Variants in SYT12 observed in about 807,000 individuals in gnomAD.
The protein encoded by SYT12 is synaptotagmin-12.
SYT12 carries 27 observed loss-of-function variants against 39.5 expected under a neutral mutation model. That is an observed-to-expected ratio of 0.68 (90% CI 0.50 to 0.94). The LOEUF (loss-of-function observed/expected upper bound fraction) is 0.94. Ranked by LOEUF, SYT12 falls within the 40% of genes least tolerant of loss-of-function variation. SYT12 has a pLI of 0.00. For synonymous variants in SYT12, 233 were observed against 239.7 expected (o/e 0.97, Z 0.26); for missense variants, 536 against 572.6 (o/e 0.94, Z 0.65).
chr11:67,023,072 G>T (rs1950129945), upstream of SYT12: 1 of 152,316 alleles, frequency 6.6e-6, no homozygotes, highest in Non-Finnish European at 1.5e-5. Flanking sequence ...CTGTCCCCAG[G>T]CGTGGGAGCG....
At chr11:67,024,345 A>G (rs920365547) in intron 1 of SYT12, among the ~76,000 whole-genome samples, 4 of 152,202 alleles carry the variant, frequency 2.6e-5, no homozygotes, top group African/African-American at 9.7e-5. Flanking sequence ...CACCGAAGTT[A>G]CCACAGCCAG....
intron 7 of SYT12, among the ~76,000 whole-genome samples, chr11:67,046,548 G>A (rs1351457547): frequency 3.3e-5 from 5 of 152,206 alleles, no homozygotes; most frequent in African/African-American, 1.2e-4. Context: ...CCAACCCGGG[G>A]ACCCCGCCAG....
intron 4 of SYT12, among the ~76,000 whole-genome samples, chr11:67,042,944 G>T (rs938697360): frequency 6.6e-6 from 1 of 152,178 alleles, no homozygotes; most frequent in Non-Finnish European, 1.5e-5. Flanking sequence ...CCCACCAGGG[G>T]GTGCTGCCCC....
Position 67,043,776 on chromosome 11 carries a change from G to A in SYT12, c.760G>A (p.Val254Met). The change falls in exon 5 of 8, where the codon GTG becomes ATG. Residue 254 changes from valine (V) to methionine (M), a missense_variant. Val to Met is a conservative substitution (Grantham distance 21, BLOSUM62 1). Coordinates refer to ENST00000527043, the MANE Select transcript of SYT12 (RefSeq NM_177963.4). ...EDERNVSTGV[V>M]ELKLSVLDLP... ...TGAGCGCAACGTCAGCACGGGGGTG[G>A]TGGAGCTGAAGCTTTCTGTGCTTGA... 6.2e-7 allele frequency: 1 copy of A among 1,614,136 alleles called. No individual in the cohort carries two copies. Among genetic ancestry groups the A allele is most frequent in the Non-Finnish European group, 8.5e-7 (1 of 1,180,038 alleles).
chr11:67,013,125 G>A (rs560487395), intron 3 of SYT12, among the ~76,000 whole-genome samples: 2 of 152,324 alleles, frequency 1.3e-5, no homozygotes, highest in African/African-American at 4.8e-5. Flanking sequence ...CACGCAGAGT[G>A]GGGAGGAGCA....
At chr11:67,012,277 A>C (rs1005599948) in intron 3 of SYT12, among the ~76,000 whole-genome samples, 1 of 152,052 alleles carries the variant, frequency 6.6e-6, no homozygotes, top group African/African-American at 2.4e-5. Context: ...AGGCTGAGGC[A>C]GGAGAATCGC....
intron 7 of SYT12, among the ~76,000 whole-genome samples, chr11:67,047,884 T>C (rs926994638): frequency 2.1e-5 from 3 of 140,982 alleles, no homozygotes; most frequent in African/African-American, 7.9e-5. Context: ...GCCTCCCAGG[T>C]TCACGCCATT....
At chr11:67,011,653 C>T (rs1950014187) in intron 3 of SYT12, among the ~76,000 whole-genome samples, 1 of 152,214 alleles carries the variant, frequency 6.6e-6, no homozygotes, top group South Asian at 2.1e-4. Context: ...TCCACAGAGG[C>T]TCTTGGTATC....
chr11:67,037,745 G>C (rs963173435), intron 3 of SYT12, among the ~76,000 whole-genome samples: 5 of 151,738 alleles, frequency 3.3e-5, no homozygotes, highest in Non-Finnish European at 7.4e-5. Context: ...AGCTGGGTGT[G>C]ATGGTGCATG....
At chr11:67,038,770 C>G (rs1565339058) in intron 3 of SYT12, among the ~76,000 whole-genome samples, 1 of 150,790 alleles carries the variant, frequency 6.6e-6, no homozygotes, top group East Asian at 2.0e-4. Flanking sequence ...AGGCAGATCA[C>G]AAGGTCAGGA....
chr11:67,028,373 TCTC>T lies in SYT12; in HGVS notation c.-23-1746_-23-1744del, dbSNP rs964993210. The T allele has an allele frequency of 3.7e-4, 56 of 152,008 alleles. 1 individual carries two copies. The highest frequency in any genetic ancestry group is 1.3e-3 in the African/African-American group (55 of 41,382). The allele number at this position is 152,008 out of a possible 1,614,324, so 9.4% of individuals were successfully genotyped here. A position where few individuals can be genotyped will look rare whatever the true frequency, so the allele number is the denominator to read the frequency against. On this transcript the variant is annotated intron_variant, in intron 1 of 7. Transcript: ENST00000527043. ...CCTTCCATCACCATGACAACGCACA[TCTC>T]CTTGTGGGAGTGGGGGCAGCATCAG...
At chr11:67,034,932 C>A in intron 3 of SYT12, 94 bp downstream of exon 3, 1 of 964,056 alleles carries the variant, frequency 1.0e-6, no homozygotes. Context: ...CCTCCGTCAC[C>A]ACCTCCTCCT....
intron 4 of SYT12, among the ~76,000 whole-genome samples, chr11:67,042,331 C>T (rs1222152879): frequency 1.3e-5 from 2 of 152,134 alleles, no homozygotes; most frequent in Non-Finnish European, 2.9e-5. Flanking sequence ...AGCCATGTTG[C>T]CTGTGGTTTG....
intron 3 of SYT12, among the ~76,000 whole-genome samples, chr11:67,035,479 A>G (rs1462061429): frequency 2.4e-4 from 25 of 103,768 alleles, no homozygotes; most frequent in African/African-American, 5.1e-4. Flanking sequence ...TTTTTTTGAG[A>G]CGGAGTCTCG....
intron 7 of SYT12, among the ~76,000 whole-genome samples, chr11:67,046,399 C>T (rs926684017): frequency 2.6e-5 from 4 of 152,216 alleles, no homozygotes; most frequent in African/African-American, 7.2e-5. Flanking sequence ...TTGCATGCCT[C>T]GGAGGATGGG....
intron 3 of SYT12, among the ~76,000 whole-genome samples, chr11:67,016,672 G>A (rs925268975): frequency 6.6e-6 from 1 of 152,174 alleles, no homozygotes; most frequent in African/African-American, 2.4e-5. Context: ...TTGGCATGAT[G>A]GGATGCGGTG....
rs1950594392 is a variant in SYT12 at position 67,045,250 on chromosome 11, C to A, written c.959-494C>A. Among the ~76,000 whole-genome samples, 3 of 149,310 alleles carry A rather than the reference C, an allele frequency of 2.0e-5. No homozygotes were observed. The South Asian group carries it at 6.4e-4, about 32-fold the overall frequency. ...AACTGAAGACCAGGGGCTGGGGGAG[C>A]CTGATCTATTGGGAGTTGCAAGCCT... On this transcript the variant is annotated intron_variant, in intron 6 of 7. Transcript: ENST00000527043.
At position 67,050,590 on chromosome 11, in the gene SYT12, C is replaced by T. The variant is rs1019037171; in HGVS notation, c.*1833C>T. 6.6e-6 allele frequency: 1 copy of T among 152,614 alleles called. No homozygotes were observed. The highest frequency in any genetic ancestry group is 2.4e-5 in the African/African-American group (1 of 41,450). 9.5% of individuals were successfully genotyped at this position (152,614 alleles called of 1,614,324 possible). On this transcript the variant is annotated 3_prime_UTR_variant, in exon 8 of 8. Coordinates refer to ENST00000527043, the MANE Select transcript of SYT12 (RefSeq NM_177963.4). ...AGGAGGTCAGCCCAGGGCCAGGAGA[C>T]ACATGGCTGGACAAGGCTTTGCAGC... is the stretch of plus-strand genomic sequence containing the variant.
intron 3 of SYT12, among the ~76,000 whole-genome samples, chr11:67,016,874 C>T (rs770386272): frequency 3.3e-5 from 5 of 152,200 alleles, no homozygotes; most frequent in African/African-American, 4.8e-5. Context: ...TCAGTTGTCT[C>T]ATAAAGTGGG....
Sources: allele counts gnomAD v4.1 joint callset (sites outside exome capture counted in the v4.1 genomes callset), GRCh38; gene constraint gnomAD v4.1.1; transcripts MANE v1.5; gene names NCBI Gene and HGNC (gene_info 2026-07-23, HGNC 2026-07-21).